MGRN1: variants seen among roughly 807,000 people sequenced by gnomAD.
The protein encoded by MGRN1 is mahogunin ring finger 1.
Under a neutral mutation model 69.2 loss-of-function variants are expected in MGRN1, and 29 were observed. The observed-to-expected ratio is 0.42, with a 90% confidence interval of 0.31 to 0.57. MGRN1 has a LOEUF of 0.57. Among genes scored for constraint, MGRN1 ranks in the 20% least tolerant of loss-of-function variants. The pLI is 0.15. For synonymous variants in MGRN1, 470 were observed against 344.2 expected, an observed-to-expected ratio of 1.37 and a Z score of -4.04; for missense variants, 998 against 796.2, an observed-to-expected ratio of 1.25 and a Z score of -3.05.
intron 4 of MGRN1, among the ~76,000 whole-genome samples, chr16:4,656,097 C>T (rs73516874): frequency 5.4e-4 from 82 of 152,326 alleles, no homozygotes; most frequent in African/African-American, 2.0e-3. Context: ...GAGCCCTGGC[C>T]ACAGGCAAGC....
intron 6 of MGRN1, 108 bp from the exon 7 acceptor site, chr16:4,664,994 T>C (rs1283637838): frequency 3.7e-6 from 5 of 1,335,944 alleles, no homozygotes; most frequent in Admixed American, 1.8e-5. Context: ...CTATGGACTC[T>C]GTGCAGGCTG....
intron 13 of MGRN1, 148 bp downstream of exon 13, chr16:4,681,924 A>G (rs1417064279): frequency 2.4e-6 from 2 of 826,656 alleles, no homozygotes; most frequent in Non-Finnish European, 1.8e-6. Flanking sequence ...GGTTAGACTC[A>G]TGGGTAAAGT....
intron 1 of MGRN1, among the ~76,000 whole-genome samples, chr16:4,636,954 C>G (rs1269759219): frequency 2.0e-5 from 3 of 151,322 alleles, no homozygotes; most frequent in African/African-American, 7.3e-5. Context: ...CCCGTCTCTA[C>G]TAAAAATACA....
intron 1 of MGRN1, among the ~76,000 whole-genome samples, chr16:4,629,705 C>T (rs890381763): frequency 1.3e-5 from 2 of 149,712 alleles, no homozygotes; most frequent in Non-Finnish European, 3.0e-5. Flanking sequence ...CGCCACTGCA[C>T]TCCAGCCTGG....
chr16:4,686,831 T>C (rs2079331262), intron 16 of MGRN1: 3 of 986,640 alleles, frequency 3.0e-6, no homozygotes, highest in South Asian at 4.7e-5. Flanking sequence ...CGTGTTCCGG[T>C]CGTGGCTTTA....
chr16:4,626,815 C>T (rs1032643510), intron 1 of MGRN1, among the ~76,000 whole-genome samples: 4 of 152,332 alleles, frequency 2.6e-5, no homozygotes, highest in South Asian at 2.1e-4. Context: ...AGAACACTCG[C>T]GTCAGCCACT....
chr16:4,642,128 C>CT (rs34264611), intron 1 of MGRN1, among the ~76,000 whole-genome samples: 104,237 of 128,784 alleles, frequency 0.81, 42,361 homozygotes, highest in East Asian at 0.97. Flanking sequence ...GACTTGGTTC[C>CT]TTTTTTTTTT....
In MGRN1 at chr16:4,673,499, C is replaced by A. The variant is rs768844802; in HGVS notation, c.797C>A (p.Pro266His). ...ACCCACAAGCCCTTGTCCCGGCAGCCCTCGGACGACGAGAACAGCGACAAC... is the reference window on the plus strand; with the variant it reads ...ACCCACAAGCCCTTGTCCCGGCAGCACTCGGACGACGAGAACAGCGACAAC... ...IENKNNQETK[P>H]SDDENSDNSN... is the part of the protein sequence containing the mutation. Residue 266 changes from proline to histidine, a missense_variant and splice_region_variant, in exon 10 of 17, where the codon CCC (proline) becomes CAC (histidine). By Grantham distance (77) the Pro-to-His change is moderately conservative. Coordinates refer to ENST00000262370, the MANE Select transcript of MGRN1 (RefSeq NM_015246.4). The A allele has an allele frequency of 6.2e-7, 1 of 1,612,080 alleles. No individual in the cohort carries two copies. The highest frequency in any genetic ancestry group is 8.5e-7 in the Non-Finnish European group (1 of 1,179,820).
chr16:4,654,576 C>T (rs1039360682), intron 4 of MGRN1, among the ~76,000 whole-genome samples: 8 of 152,240 alleles, frequency 5.3e-5, no homozygotes, highest in Admixed American at 5.2e-4. Context: ...AGCTTTGCAT[C>T]TGGGGATAGG....
chr16:4,637,690 C>T (rs946882186), intron 1 of MGRN1, among the ~76,000 whole-genome samples: 1 of 152,248 alleles, frequency 6.6e-6, no homozygotes, highest in African/African-American at 2.4e-5. Flanking sequence ...ATCCTGCAGT[C>T]CTGCAGAGCG....
chr16:4,642,466 T>TTGTGTGTGTGTGTGTGTGTGTGTGTGTG (rs143119735), intron 1 of MGRN1, among the ~76,000 whole-genome samples: 19 of 141,818 alleles, frequency 1.3e-4, no homozygotes, highest in African/African-American at 4.8e-4. Context: ...GCCAGCTAAT[T>TTGTGTGTGTGTGTGTGTGTGTGTGTGTG]TGTGTGTGTG....
At chr16:4,679,230 G>A (rs569240646) in intron 11 of MGRN1, among the ~76,000 whole-genome samples, 10 of 152,364 alleles carry the variant, frequency 6.6e-5, no homozygotes, top group South Asian at 2.1e-4. Flanking sequence ...ATGCTCAGGC[G>A]TGGCTAGGTT....
Position 4,683,839 on chromosome 16 carries a change from G to T in MGRN1, c.1529-4G>T, listed in dbSNP as rs554572736. 3.1e-6 allele frequency: 5 copies of T among 1,612,432 alleles called. No individual in the cohort carries two copies. The South Asian group carries it at 5.5e-5, about 18-fold the overall frequency. On this transcript the variant is annotated splice_polypyrimidine_tract_variant and splice_region_variant and intron_variant, in intron 15 of 16. Coordinates refer to ENST00000262370, the MANE Select transcript of MGRN1 (RefSeq NM_015246.4). ...AGGTCCCTAACCTCACCCTCTGCCTGCAGGGACCCGAGCAGCTTCCATTGA... is the reference window on the plus strand; with the variant it reads ...AGGTCCCTAACCTCACCCTCTGCCTTCAGGGACCCGAGCAGCTTCCATTGA...
intron 1 of MGRN1, chr16:4,640,114 C>T (rs2078125180): frequency 6.6e-6 from 1 of 152,292 alleles, no homozygotes; most frequent in African/African-American, 2.4e-5. Context: ...GTTTTCCTCT[C>T]GCAGATGTCT....
At chr16:4,688,516 G>C in intron 16 of MGRN1, 1 of 1,215,358 alleles carries the variant, frequency 8.2e-7, no homozygotes, top group Non-Finnish European at 1.0e-6. Context: ...GGCATCCACC[G>C]CGGTGCCGTG....
chr16:4,683,950 T>C lies in MGRN1; in HGVS notation c.1618+18T>C. The C allele has an allele frequency of 8.6e-6, 4 of 465,014 alleles. No individual in the cohort carries two copies. The highest frequency in any genetic ancestry group is 5.3e-4 in the Middle Eastern group (1 of 1,900). 28.8% of individuals were successfully genotyped at this position (465,014 alleles called of 1,614,324 possible). A position where few individuals can be genotyped will look rare whatever the true frequency, so the allele number is the denominator to read the frequency against. On this transcript the variant is annotated intron_variant, in intron 16 of 16. Transcript: ENST00000262370. ...CCTGCCAGGTAAGGGGCTGGGGGTCTGGGGGTGAGGGGCTGGGTGCCTGTC... is the reference window on the plus strand; with the variant it reads ...CCTGCCAGGTAAGGGGCTGGGGGTCCGGGGGTGAGGGGCTGGGTGCCTGTC...
chr16:4,662,464 C>A (rs2078704891), intron 5 of MGRN1, among the ~76,000 whole-genome samples: 1 of 151,226 alleles, frequency 6.6e-6, no homozygotes, highest in Non-Finnish European at 1.5e-5. Context: ...TGCAGCGAGC[C>A]GACATCCTGC....
At chr16:4,667,866 A>T (rs989715378) in intron 7 of MGRN1, among the ~76,000 whole-genome samples, 1 of 151,974 alleles carries the variant, frequency 6.6e-6, no homozygotes, top group South Asian at 2.1e-4. Flanking sequence ...CTGGGAGAGC[A>T]GGAAGCTGTT....
chr16:4,684,010 C>T (rs970909787), intron 16 of MGRN1, 78 bp downstream of exon 16: 41 of 1,249,194 alleles, frequency 3.3e-5, no homozygotes, highest in South Asian at 1.6e-4. Flanking sequence ...CTCTGATGGT[C>T]GGTGCATAGC....
Sources: allele counts gnomAD v4.1 joint callset (sites outside exome capture counted in the v4.1 genomes callset), GRCh38; gene constraint gnomAD v4.1.1; transcripts MANE v1.5; gene names NCBI Gene and HGNC (gene_info 2026-07-23, HGNC 2026-07-21).